Variants in FRMD4B observed in about 807,000 individuals in gnomAD.
The protein encoded by FRMD4B is FERM domain containing 4B.
A neutral mutation model predicts 141.5 loss-of-function variants in FRMD4B; 74 were observed. The observed-to-expected ratio is 0.52, with a 90% CI of 0.43 to 0.63. The LOEUF (loss-of-function observed/expected upper bound fraction) is 0.63. FRMD4B is among the 30% of genes least tolerant of loss of function. The probability of loss-of-function intolerance (pLI) is 0.00; values close to 1 mark genes in which losing one functional copy is unlikely to be tolerated. For missense variants in FRMD4B, 1,366 were observed against 1,253.4 expected (o/e 1.09, Z -1.36); for synonymous variants, 506 against 467.9 (o/e 1.08, Z -1.05).
chr3:69,235,609 A>G (rs1213270918), intron 7 of FRMD4B, among the ~76,000 whole-genome samples: 1 of 152,048 alleles, frequency 6.6e-6, no homozygotes, highest in Non-Finnish European at 1.5e-5. Flanking sequence ...CAGTGAGCCC[A>G]GACCATGCCA....
chr3:69,369,713 CT>C (rs139409751), intron 1 of FRMD4B, among the ~76,000 whole-genome samples: 26,336 of 151,912 alleles, frequency 0.17, 2,505 homozygotes, highest in African/African-American at 0.24. Flanking sequence ...TATAAAAATC[CT>C]AAGGAAGAAA....
intron 1 of FRMD4B, among the ~76,000 whole-genome samples, chr3:69,343,579 T>C (rs1252953384): frequency 1.9e-5 from 1 of 51,534 alleles, no homozygotes; most frequent in Non-Finnish European, 5.1e-5. Flanking sequence ...AGTTTTTTGT[T>C]TTTTTTTTTT....
intron 2 of FRMD4B, among the ~76,000 whole-genome samples, chr3:69,430,563 C>T (rs1012730745): frequency 6.6e-6 from 1 of 152,204 alleles, no homozygotes; most frequent in African/African-American, 2.4e-5. Context: ...TCGTATATGG[C>T]AATTGCTGGA....
intron 1 of FRMD4B, among the ~76,000 whole-genome samples, chr3:69,453,739 C>T (rs141766313): frequency 1.2e-3 from 177 of 152,274 alleles, no homozygotes; most frequent in African/African-American, 3.6e-3. Flanking sequence ...GATTATCTGA[C>T]GCTTTGAGAG....
intron 5 of FRMD4B, among the ~76,000 whole-genome samples, chr3:69,270,726 C>T (rs548167678): frequency 9.7e-4 from 148 of 151,990 alleles, no homozygotes; most frequent in Non-Finnish European, 1.6e-3. Context: ...CCATCATGCC[C>T]GGCTAATTTT....
intron 3 of FRMD4B, 70 bp from the exon 4 acceptor site, chr3:69,302,505 C>T (rs1701250606): frequency 2.1e-6 from 2 of 933,532 alleles, no homozygotes; most frequent in East Asian, 2.6e-5. Context: ...ACAGTGTTGG[C>T]AAAGCTGTGG....
At chr3:69,367,035 G>T (rs562111930) in intron 1 of FRMD4B, among the ~76,000 whole-genome samples, 255 of 152,156 alleles carry the variant, frequency 1.7e-3, no homozygotes, top group African/African-American at 5.9e-3. Context: ...CCAAAGTGTT[G>T]GGTTTACAGG....
intron 1 of FRMD4B, among the ~76,000 whole-genome samples, chr3:69,497,914 T>C (rs74363199): frequency 0.022 from 3,380 of 152,096 alleles, 131 homozygotes; most frequent in African/African-American, 0.078. Flanking sequence ...CCAGAAACAA[T>C]CCCCCAATGG....
chr3:69,207,864 A>C (rs2093039108), intron 11 of FRMD4B, among the ~76,000 whole-genome samples: 1 of 151,806 alleles, frequency 6.6e-6, no homozygotes, highest in South Asian at 2.1e-4. Flanking sequence ...TCTGGCAGCC[A>C]CTTCCTTTTC....
intron 1 of FRMD4B, among the ~76,000 whole-genome samples, chr3:69,453,954 T>C (rs547197101): frequency 3.9e-5 from 6 of 152,288 alleles, no homozygotes; most frequent in East Asian, 1.9e-4. Flanking sequence ...TAAGCAAGCA[T>C]TGATGTGTCC....
intron 5 of FRMD4B, among the ~76,000 whole-genome samples, chr3:69,283,109 C>T (rs972605494): frequency 2.6e-5 from 4 of 151,984 alleles, no homozygotes; most frequent in Non-Finnish European, 2.9e-5. Context: ...CCAGGCCAGG[C>T]GCTGTGGCTC....
intron 1 of FRMD4B, among the ~76,000 whole-genome samples, chr3:69,448,318 C>T (rs570925729): frequency 6.6e-6 from 1 of 152,314 alleles, no homozygotes; most frequent in South Asian, 2.1e-4. Flanking sequence ...GCGTGAGACA[C>T]CACGCCTGGC....
intron 7 of FRMD4B, among the ~76,000 whole-genome samples, chr3:69,230,776 T>A (rs1312611741): frequency 6.6e-6 from 1 of 152,058 alleles, no homozygotes; most frequent in African/African-American, 2.4e-5. Flanking sequence ...ACACTAACAT[T>A]GTTCACACAA....
At chr3:69,459,677 G>A (rs563386952) in intron 1 of FRMD4B, among the ~76,000 whole-genome samples, 2 of 152,276 alleles carry the variant, frequency 1.3e-5, no homozygotes, top group Admixed American at 6.5e-5. Flanking sequence ...TCCCTGCCTC[G>A]GTTTTCCCAT....
intron 7 of FRMD4B, among the ~76,000 whole-genome samples, chr3:69,239,317 T>C (rs1451491317): frequency 6.6e-6 from 1 of 152,204 alleles, no homozygotes; most frequent in Non-Finnish European, 1.5e-5. Flanking sequence ...TAGAATTCCT[T>C]TGTCATTACA....
chr3:69,405,021 A>C (rs562229565), intron 2 of FRMD4B, among the ~76,000 whole-genome samples: 40 of 152,358 alleles, frequency 2.6e-4, no homozygotes, highest in Non-Finnish European at 5.1e-4. Flanking sequence ...TAAAGTCTTC[A>C]TCAGAGCTCT....
chr3:69,521,049 G>A (rs889995309), intron 1 of FRMD4B, among the ~76,000 whole-genome samples: 4 of 152,078 alleles, frequency 2.6e-5, no homozygotes, highest in African/African-American at 9.7e-5. Flanking sequence ...TGGATCTTAT[G>A]GGGAGTTTCT....
At position 69,228,830 on chromosome 3, in the gene FRMD4B, T is replaced by C. The variant is rs1484829445; in HGVS notation, c.582-4140A>G. Among the ~76,000 whole-genome samples the C allele has an allele frequency of 2.1e-5, 3 of 141,646 alleles. No homozygotes were observed. The Admixed American group carries it at 2.2e-4, about 10-fold the overall frequency. The allele number at this position is 141,646 out of a possible 152,430, so 92.9% of individuals were successfully genotyped here. On this transcript the variant is annotated intron_variant, in intron 7 of 22. Coordinates refer to ENST00000398540, the MANE Select transcript of FRMD4B (RefSeq NM_015123.3). ...GCCTGGGCAACAGAGTGAGATTCTC[T>C]TATTTAAAAAAAAAAAAAAAGAATG...
intron 1 of FRMD4B, among the ~76,000 whole-genome samples, chr3:69,373,738 G>C (rs1323882981): frequency 1.3e-5 from 2 of 152,062 alleles, no homozygotes; most frequent in African/African-American, 4.8e-5. Context: ...TGCTGGGTGT[G>C]GTGGCGCGCC....
Sources: allele counts gnomAD v4.1 joint callset (sites outside exome capture counted in the v4.1 genomes callset), GRCh38; gene constraint gnomAD v4.1.1; transcripts MANE v1.5; gene names NCBI Gene and HGNC (gene_info 2026-07-23, HGNC 2026-07-21).